Variants in XKR9 observed in about 807,000 individuals in gnomAD.
XKR9 encodes the protein XK-related protein 9.
Under a neutral mutation model 32.0 loss-of-function variants are expected in XKR9, and 32 were observed. The ratio of observed to expected loss-of-function variants is 1.00; its 90% confidence interval spans 0.76 to 1.34. The LOEUF (loss-of-function observed/expected upper bound fraction) is 1.34. Among genes scored for constraint, XKR9 ranks in the 40% most tolerant of loss-of-function variants. The probability of loss-of-function intolerance (pLI) is 0.00; values close to 1 mark genes in which losing one functional copy is unlikely to be tolerated. For synonymous variants in XKR9, 168 were observed against 143.4 expected, an observed-to-expected ratio of 1.17 and a Z score of -1.22; for missense variants, 546 against 429.7, an observed-to-expected ratio of 1.27 and a Z score of -2.39.
chr8:71,041,918 C>A, the XKR9 span, among the ~76,000 whole-genome samples: 1 of 152,170 alleles, frequency 6.6e-6, no homozygotes, highest in African/African-American at 2.4e-5. Context: ...TATTTCTTTA[C>A]AGCAGTGTGA....
intron 2 of XKR9, among the ~76,000 whole-genome samples, chr8:70,779,841 T>C (rs1365153045): frequency 1.3e-5 from 2 of 152,168 alleles, no homozygotes; most frequent in Non-Finnish European, 2.9e-5. Context: ...GATTCTTCTC[T>C]CTTTTCTTCT....
chr8:70,738,628 T>C (rs965950159), downstream of XKR9, among the ~76,000 whole-genome samples: 32 of 152,030 alleles, frequency 2.1e-4, no homozygotes, highest in Non-Finnish European at 3.5e-4. Flanking sequence ...TTTCCCTCTA[T>C]ACACTGCCTT....
chr8:70,945,507 G>A, the XKR9 span, among the ~76,000 whole-genome samples: 2 of 152,160 alleles, frequency 1.3e-5, no homozygotes, highest in Non-Finnish European at 2.9e-5. Context: ...TCCTAAAAGT[G>A]AAGGCTGAAA....
At chr8:70,820,366 T>C in the XKR9 span, among the ~76,000 whole-genome samples, 2 of 152,192 alleles carry the variant, frequency 1.3e-5, no homozygotes, top group African/African-American at 4.8e-5. Flanking sequence ...TTTATTTGGA[T>C]CATGGTCCTG....
At chr8:70,932,534 T>G in the XKR9 span, among the ~76,000 whole-genome samples, 1 of 152,168 alleles carries the variant, frequency 6.6e-6, no homozygotes, top group South Asian at 2.1e-4. Flanking sequence ...CTCAATTGCA[T>G]GGACCACTTC....
At chr8:70,714,932 A>T (rs1002126554) in intron 4 of XKR9, among the ~76,000 whole-genome samples, 1 of 152,210 alleles carries the variant, frequency 6.6e-6, no homozygotes, top group Non-Finnish European at 1.5e-5. Flanking sequence ...GCATAGTTTG[A>T]CAATGGCACA....
At chr8:70,759,535 A>T (rs956558245) in intron 2 of XKR9, among the ~76,000 whole-genome samples, 5 of 152,226 alleles carry the variant, frequency 3.3e-5, no homozygotes, top group Admixed American at 1.3e-4. Context: ...GTAAATAGAA[A>T]ACAAATGTTT....
chr8:70,746,246 C>A (rs1342467978), intron 2 of XKR9, among the ~76,000 whole-genome samples: 2 of 149,514 alleles, frequency 1.3e-5, no homozygotes, highest in African/African-American at 2.4e-5. Flanking sequence ...ACATTCATAT[C>A]TTCAAATATG....
chr8:70,893,445 G>A, the XKR9 span, among the ~76,000 whole-genome samples: 6 of 152,106 alleles, frequency 3.9e-5, no homozygotes, highest in South Asian at 6.2e-4. Flanking sequence ...TCATGCTTAT[G>A]CATCTGGTGG....
At chr8:70,813,875 G>A in the XKR9 span, among the ~76,000 whole-genome samples, 4 of 152,328 alleles carry the variant, frequency 2.6e-5, no homozygotes, top group African/African-American at 9.6e-5. Flanking sequence ...CATTGTGGAA[G>A]TCAGTGTGGC....
At chr8:70,900,783 T>C in the XKR9 span, among the ~76,000 whole-genome samples, 1 of 152,108 alleles carries the variant, frequency 6.6e-6, no homozygotes, top group Non-Finnish European at 1.5e-5. Flanking sequence ...TTACATTAGG[T>C]ATATCTCCTA....
the XKR9 span, among the ~76,000 whole-genome samples, chr8:71,019,981 T>C: frequency 6.6e-6 from 1 of 152,224 alleles, no homozygotes; most frequent in African/African-American, 2.4e-5. Context: ...ACTATTTTTA[T>C]GATATGTGCT....
At chr8:70,959,797 T>A in the XKR9 span, among the ~76,000 whole-genome samples, 1 of 152,264 alleles carries the variant, frequency 6.6e-6, no homozygotes, top group African/African-American at 2.4e-5. Flanking sequence ...TTTTTTCCAC[T>A]GCAAACTGCG....
the XKR9 span, among the ~76,000 whole-genome samples, chr8:70,862,025 CT>C: frequency 2.6e-5 from 4 of 152,012 alleles, no homozygotes; most frequent in African/African-American, 9.7e-5. Flanking sequence ...TTCCTTTTGC[CT>C]TTGTCCATAT....
the XKR9 span, among the ~76,000 whole-genome samples, chr8:71,009,739 C>T: frequency 6.6e-6 from 1 of 152,206 alleles, no homozygotes; most frequent in East Asian, 1.9e-4. Context: ...GCCATTGACA[C>T]TTCCCATTCC....
At chr8:70,861,654 C>G in the XKR9 span, among the ~76,000 whole-genome samples, 4 of 151,724 alleles carry the variant, frequency 2.6e-5, no homozygotes, top group African/African-American at 9.7e-5. Context: ...AGAACCTGAA[C>G]CTAAAAAAAT....
intron 2 of XKR9, among the ~76,000 whole-genome samples, chr8:70,771,990 G>A (rs428384): frequency 6.6e-6 from 1 of 152,038 alleles, no homozygotes; most frequent in African/African-American, 2.4e-5. Flanking sequence ...ATAAAACATA[G>A]AAAAGAAAAA....
chr8:71,006,989 G>C, the XKR9 span, among the ~76,000 whole-genome samples: 1 of 152,152 alleles, frequency 6.6e-6, no homozygotes, highest in East Asian at 1.9e-4. Context: ...GGCTCTATTC[G>C]TTGGAAGTTT....
At chr8:70,937,245 A>C in the XKR9 span, among the ~76,000 whole-genome samples, 48 of 152,158 alleles carry the variant, frequency 3.2e-4, no homozygotes, top group South Asian at 6.0e-3. Flanking sequence ...TAATATGTTT[A>C]CTAAAGTTTA....
Sources: allele counts gnomAD v4.1 joint callset (sites outside exome capture counted in the v4.1 genomes callset), GRCh38; gene constraint gnomAD v4.1.1; transcripts MANE v1.5; gene names NCBI Gene and HGNC (gene_info 2026-07-23, HGNC 2026-07-21).